NUMB: variants seen among roughly 807,000 people sequenced by gnomAD.
NUMB encodes NUMB endocytic adaptor protein.
A neutral mutation model predicts 59.7 loss-of-function variants in NUMB; 29 were observed. That is an observed-to-expected ratio of 0.49 (90% CI 0.36 to 0.66). The LOEUF (loss-of-function observed/expected upper bound fraction) is 0.66. Among genes scored for constraint, NUMB ranks in the 30% least tolerant of loss-of-function variants. The pLI, the probability that NUMB is intolerant of heterozygous loss-of-function variation, is 0.00. For missense variants in NUMB, 723 were observed against 822.0 expected, an observed-to-expected ratio of 0.88 and a Z score of 1.47; for synonymous variants, 288 against 288.2, an observed-to-expected ratio of 1.00 and a Z score of 0.01.
Position 73,413,956 on chromosome 14 carries a change from C to CT in NUMB, c.-232-3889dup, listed in dbSNP as rs748482351. On this transcript the variant is annotated intron_variant, in intron 1 of 12. Coordinates refer to ENST00000555238, the MANE Select transcript of NUMB (RefSeq NM_001005743.2). ...AATTTAATTATCTCAAATGTTTTTT[C>CT]TTTTTTTTTTTTTTTTGATACAGAG... 5.7e-3 allele frequency among the ~76,000 whole-genome samples: 793 copies of CT among 138,942 alleles called. 2 individuals are homozygous for CT. The highest frequency in any genetic ancestry group is 0.011 in the Middle Eastern group (3 of 268). 91.2% of individuals were successfully genotyped at this position (138,942 alleles called of 152,430 possible).
intron 1 of NUMB, among the ~76,000 whole-genome samples, chr14:73,427,538 A>G (rs780853399): frequency 1.3e-5 from 2 of 152,060 alleles, no homozygotes. Context: ...AATATCCACA[A>G]TATCAACAGT....
At chr14:73,294,765 C>T (rs1329970001) in intron 7 of NUMB, among the ~76,000 whole-genome samples, 5 of 128,168 alleles carry the variant, frequency 3.9e-5, no homozygotes, top group Non-Finnish European at 8.4e-5. Context: ...GTGATCCACC[C>T]GCCTTGGCCT....
intron 1 of NUMB, among the ~76,000 whole-genome samples, chr14:73,433,629 A>G (rs1897928398): frequency 6.6e-6 from 1 of 152,162 alleles, no homozygotes; most frequent in Admixed American, 6.5e-5. Context: ...ATTAAAGTAC[A>G]GAGAGAAGTG....
chr14:73,278,566 T>C (rs1158597494), intron 12 of NUMB, among the ~76,000 whole-genome samples: 1 of 151,928 alleles, frequency 6.6e-6, no homozygotes, highest in Non-Finnish European at 1.5e-5. Flanking sequence ...ATGTTTTTTA[T>C]ACAAAACTAG....
intron 4 of NUMB, among the ~76,000 whole-genome samples, chr14:73,343,286 G>A (rs1232437805): frequency 6.6e-6 from 1 of 152,074 alleles, no homozygotes; most frequent in Non-Finnish European, 1.5e-5. Flanking sequence ...GAGACAGATT[G>A]GAAGCAAGAG....
In NUMB at chr14:73,284,350, C is replaced by T. The variant is rs1888832685; in HGVS notation, c.680G>A (p.Gly227Asp). The T allele has an allele frequency of 1.2e-6, 2 of 1,613,710 alleles. No homozygotes were observed. Among genetic ancestry groups the T allele is most frequent in the African/African-American group, 2.7e-5 (2 of 74,980 alleles). Reference sequence around the variant, plus strand: ...AGTGTTGCCAGGGGCAACTGATGAACCAACGACTATCTTATCTGTTTCAGC... The same window carrying T: ...AGTGTTGCCAGGGGCAACTGATGAATCAACGACTATCTTATCTGTTTCAGC... Reference protein sequence around the residue: ...KKAETDKIVVGSSVAPGNTAP... With the variant: ...KKAETDKIVVDSSVAPGNTAP... Residue 227 changes from glycine to aspartate, a missense_variant, in exon 10 of 13, where the codon GGT becomes GAT. Gly to Asp is a moderately conservative substitution (Grantham distance 94). Transcript: ENST00000555238.
intron 1 of NUMB, among the ~76,000 whole-genome samples, chr14:73,446,107 C>T (rs1883482704): frequency 6.6e-6 from 1 of 151,092 alleles, no homozygotes; most frequent in Admixed American, 6.6e-5. Context: ...AGTGATTCTC[C>T]TACCTCAGCC....
intron 2 of NUMB, among the ~76,000 whole-genome samples, chr14:73,387,764 A>C (rs2333137): frequency 0.47 from 70,054 of 149,884 alleles, 17,184 homozygotes; most frequent in East Asian, 0.81. Context: ...AACAAACAAA[A>C]AAAAAACCAA....
intron 2 of NUMB, among the ~76,000 whole-genome samples, chr14:73,398,572 A>G (rs1896261993): frequency 6.6e-6 from 1 of 151,748 alleles, no homozygotes; most frequent in Non-Finnish European, 1.5e-5. Context: ...GCAAATATAT[A>G]TTATTTGGGT....
At chr14:73,340,977 T>C (rs2139976437) in intron 4 of NUMB, among the ~76,000 whole-genome samples, 1 of 152,340 alleles carries the variant, frequency 6.6e-6, no homozygotes, top group East Asian at 1.9e-4. Context: ...TTTCCTGTGC[T>C]CACACTGAGC....
intron 9 of NUMB, chr14:73,286,753 C>A (rs1889034158): frequency 3.3e-6 from 1 of 304,362 alleles, no homozygotes; most frequent in Non-Finnish European, 6.3e-6. Flanking sequence ...CCTGGGACCT[C>A]TGCTGCTTCC....
chr14:73,365,015 C>T (rs1302362605), intron 3 of NUMB, among the ~76,000 whole-genome samples: 1 of 151,946 alleles, frequency 6.6e-6, no homozygotes, highest in African/African-American at 2.4e-5. Context: ...GAAAAATACA[C>T]CATTCACAAT....
At chr14:73,365,127 C>T (rs1894279284) in intron 3 of NUMB, among the ~76,000 whole-genome samples, 1 of 152,164 alleles carries the variant, frequency 6.6e-6, no homozygotes, top group Non-Finnish European at 1.5e-5. Flanking sequence ...GCAACCTCCA[C>T]CTCCCAGGTT....
chr14:73,436,739 CG>C (rs1898070048), intron 1 of NUMB, among the ~76,000 whole-genome samples: 1 of 151,628 alleles, frequency 6.6e-6, no homozygotes, highest in African/African-American at 2.4e-5. Flanking sequence ...CCAGCACTTT[CG>C]GAGGCTGAGG....
chr14:73,367,344 TATATAG>T (rs1386811980), intron 2 of NUMB, among the ~76,000 whole-genome samples: 38 of 84,138 alleles, frequency 4.5e-4, no homozygotes, highest in African/African-American at 1.7e-3. Flanking sequence ...TATATATATA[TATATAG>T]AGAGAGAGAG....
chr14:73,390,243 C>T (rs930617315), intron 2 of NUMB, among the ~76,000 whole-genome samples: 6 of 152,066 alleles, frequency 3.9e-5, no homozygotes, highest in African/African-American at 7.2e-5. Context: ...ATCTAAACCA[C>T]GGCATACAAT....
intron 2 of NUMB, among the ~76,000 whole-genome samples, chr14:73,369,571 A>C (rs1894561480): frequency 6.6e-6 from 1 of 152,238 alleles, no homozygotes; most frequent in Non-Finnish European, 1.5e-5. Context: ...GGGATGTGAA[A>C]TGAGTTACAT....
Position 73,360,069 on chromosome 14 carries a change from C to T in NUMB, c.-15-4303G>A, listed in dbSNP as rs575174238. Among the ~76,000 whole-genome samples, 2 of 152,248 alleles carry T rather than the reference C, an allele frequency of 1.3e-5. 1 individual carries two copies. The highest frequency in any genetic ancestry group is 4.1e-4 in the South Asian group (2 of 4,828). ...CATCAACTATGTACAGATTAGCCAC[C>T]GTAATCTTTAAAAATGTAAAATGGA... On this transcript the variant is annotated intron_variant, in intron 3 of 12. Coordinates refer to ENST00000555238, the MANE Select transcript of NUMB (RefSeq NM_001005743.2).
chr14:73,298,560 T>C (rs1889924165), intron 6 of NUMB: 1 of 152,220 alleles, frequency 6.6e-6, no homozygotes, highest in Admixed American at 6.5e-5. Context: ...TCCTTTCTTT[T>C]TAACTGCCTC....
Sources: gnomAD v4.1 joint callset for allele counts (sites outside exome capture counted in the v4.1 genomes callset) on GRCh38, gnomAD v4.1.1 for gene constraint, MANE v1.5 for transcripts, NCBI Gene and HGNC (gene_info 2026-07-23, HGNC 2026-07-21) for gene names.